Variants in DNAAF9 observed in about 807,000 individuals in gnomAD.
The protein encoded by DNAAF9 is shulin.
DNAAF9 carries 90 observed loss-of-function variants against 167.0 expected under a neutral mutation model. The observed-to-expected ratio is 0.54, with a 90% CI of 0.45 to 0.64. DNAAF9 has a LOEUF of 0.64. Ranked by LOEUF, DNAAF9 falls within the 30% of genes least tolerant of loss-of-function variation. DNAAF9 has a pLI of 0.00. For missense variants in DNAAF9, 1,315 were observed against 1,442.2 expected, an observed-to-expected ratio of 0.91 and a Z score of 1.43; for synonymous variants, 491 against 508.8, an observed-to-expected ratio of 0.96 and a Z score of 0.47.
intron 1 of DNAAF9, among the ~76,000 whole-genome samples, chr20:3,407,257 A>C (rs2084074272): frequency 2.0e-5 from 3 of 152,122 alleles, no homozygotes; most frequent in Non-Finnish European, 4.4e-5. Flanking sequence ...TGGGGGAGCC[A>C]TTGTGGGGAA....
chr20:3,403,358 C>T (rs2084014857), intron 1 of DNAAF9, among the ~76,000 whole-genome samples: 1 of 151,912 alleles, frequency 6.6e-6, no homozygotes, highest in Non-Finnish European at 1.5e-5. Flanking sequence ...GAATCCAACA[C>T]CTCTCTTCAT....
intron 27 of DNAAF9, among the ~76,000 whole-genome samples, chr20:3,287,022 T>A (rs539702446): frequency 6.4e-4 from 97 of 152,220 alleles, no homozygotes; most frequent in Non-Finnish European, 1.2e-3. Flanking sequence ...TCAGCCAGGG[T>A]CCCCTGGAGC....
In DNAAF9 at chr20:3,359,586, T is replaced by C. The variant is rs1488389173; in HGVS notation, c.620A>G (p.Asp207Gly). ...GFFTMKYELQDVSLNLWNVYS... is the reference protein window; with the variant it reads ...GFFTMKYELQGVSLNLWNVYS... ...GACATTCCATAGATTCAAACTCACATCCTGCAACTGCAACAGAGGGCAAAA... is the reference window on the plus strand; with the variant it reads ...GACATTCCATAGATTCAAACTCACACCCTGCAACTGCAACAGAGGGCAAAA... Residue 207 changes from aspartate (D) to glycine (G), a missense_variant, in exon 7 of 37, where the codon GAT becomes GGT. By Grantham distance (94) the Asp-to-Gly change is moderately conservative. Around this residue, in one of 2 missense-constraint regions of DNAAF9, gnomAD observed 981 missense variants for 1,012.5 expected, o/e 0.97. Coordinates refer to ENST00000252032, the MANE Select transcript of DNAAF9 (RefSeq NM_001009984.3). The C allele has an allele frequency of 5.6e-6, 9 of 1,610,230 alleles. No individual in the cohort carries two copies. The highest frequency in any genetic ancestry group is 7.6e-6 in the Non-Finnish European group (9 of 1,177,774).
chr20:3,406,811 G>A (rs2084064013), intron 1 of DNAAF9, among the ~76,000 whole-genome samples: 1 of 152,018 alleles, frequency 6.6e-6, no homozygotes. Context: ...CTCCCAACCC[G>A]AGCTCCCTAT....
At chr20:3,340,455 A>G (rs769484304) in intron 10 of DNAAF9, 49 bp downstream of exon 10, 2 of 138,082 alleles carry the variant, frequency 1.4e-5, no homozygotes, top group Non-Finnish European at 3.0e-5. Context: ...CCCCACCCCC[A>G]CAACTTGATA....
At chr20:3,326,747 C>CA (rs5839993) in intron 12 of DNAAF9, among the ~76,000 whole-genome samples, 246 of 116,856 alleles carry the variant, frequency 2.1e-3, no homozygotes, top group East Asian at 0.018. Flanking sequence ...GACCCTGTCT[C>CA]AAAAAAAAAA....
intron 1 of DNAAF9, among the ~76,000 whole-genome samples, chr20:3,405,346 G>A (rs931026729): frequency 6.6e-6 from 1 of 152,140 alleles, no homozygotes; most frequent in Non-Finnish European, 1.5e-5. Context: ...CACCAGTTAG[G>A]TTTGCCCCTT....
At chr20:3,325,149 G>C (rs973320128) in intron 13 of DNAAF9, among the ~76,000 whole-genome samples, 181 bp from the exon 14 acceptor site, 1 of 152,178 alleles carries the variant, frequency 6.6e-6, no homozygotes, top group Admixed American at 6.5e-5. Context: ...CATGTTAAGG[G>C]AAAGAAGGGC....
At chr20:3,368,641 T>C (rs2083463688) in intron 6 of DNAAF9, among the ~76,000 whole-genome samples, 1 of 151,674 alleles carries the variant, frequency 6.6e-6, no homozygotes, top group Non-Finnish European at 1.5e-5. Context: ...GCCTCCCGAG[T>C]AGCTGGGACT....
intron 20 of DNAAF9, among the ~76,000 whole-genome samples, chr20:3,307,341 C>T (rs1441079382): frequency 6.6e-6 from 1 of 152,176 alleles, no homozygotes; most frequent in African/African-American, 2.4e-5. Flanking sequence ...GCCCCTTAGC[C>T]TGGCTCTATG....
chr20:3,309,981 T>C (rs923690721), intron 20 of DNAAF9, among the ~76,000 whole-genome samples: 1 of 151,892 alleles, frequency 6.6e-6, no homozygotes, highest in Non-Finnish European at 1.5e-5. Flanking sequence ...TCACCTGAAG[T>C]CGGGAGATTG....
chr20:3,348,525 C>A lies in DNAAF9; in HGVS notation c.789G>T (p.Glu263Asp). 1 of 1,566,360 alleles carries A rather than the reference C, an allele frequency of 6.4e-7. No individual in the cohort carries two copies. Among genetic ancestry groups the A allele is most frequent in the Non-Finnish European group, 8.7e-7 (1 of 1,144,660 alleles). ...CCTCTTTGACCCTTCCCTTACATAC[C>A]TCACCCGCCTGAGATTCTGAAAGTT... ...LLELSESQAG[E>D]PFRSYFSHGM... The change falls in exon 8 of 37, where the codon GAG becomes GAT. Residue 263 changes from glutamate (E) to aspartate (D), a missense_variant and splice_region_variant. Glu to Asp is a conservative substitution (Grantham distance 45). Around this residue, in one of 2 missense-constraint regions of DNAAF9, gnomAD observed 981 missense variants for 1,012.5 expected, o/e 0.97. Transcript: ENST00000252032.
At chr20:3,335,733 G>C (rs2069926434) in intron 10 of DNAAF9, among the ~76,000 whole-genome samples, 1 of 139,168 alleles carries the variant, frequency 7.2e-6, no homozygotes, top group Admixed American at 7.5e-5. Flanking sequence ...CTCCAGTCTG[G>C]GTGACAAGAG....
At chr20:3,283,367 C>A (rs965036256) in intron 27 of DNAAF9, among the ~76,000 whole-genome samples, 1 of 152,226 alleles carries the variant, frequency 6.6e-6, no homozygotes, top group Non-Finnish European at 1.5e-5. Flanking sequence ...CAATACTCCA[C>A]CCCACCCCAG....
chr20:3,277,808 C>T (rs1035882434), intron 29 of DNAAF9, among the ~76,000 whole-genome samples: 1 of 152,176 alleles, frequency 6.6e-6, no homozygotes, highest in Non-Finnish European at 1.5e-5. Flanking sequence ...GGTACAGCAG[C>T]CCAACATACA....
At position 3,298,155 on chromosome 20, in the gene DNAAF9, A is replaced by T; in HGVS notation, c.1803T>A (p.Ala601=). 6.2e-7 allele frequency: 1 copy of T among 1,613,992 alleles called. No individual in the cohort carries two copies. The highest frequency in any genetic ancestry group is 8.5e-7 in the Non-Finnish European group (1 of 1,179,894). The part of the protein sequence containing the change: ...FYDGDSTSTV[A]ALLIDFKSSL... ...AGCTTTTGAAGTCTATGAGAAGAGC[A>T]GCAACAGTACTGGTGGAATCCTAAA... Residue 601 remains alanine (A), a synonymous_variant, in exon 22 of 37, where the codon GCT becomes GCA. Transcript: ENST00000252032.
intron 8 of DNAAF9, among the ~76,000 whole-genome samples, chr20:3,344,632 CA>C: frequency 7.7e-6 from 1 of 129,750 alleles, no homozygotes; most frequent in Non-Finnish European, 1.7e-5. Context: ...CACACACACA[CA>C]CACACACCTC....
chr20:3,359,813 A>G (rs1442483993), intron 6 of DNAAF9, among the ~76,000 whole-genome samples: 1 of 152,248 alleles, frequency 6.6e-6, no homozygotes, highest in Non-Finnish European at 1.5e-5. Flanking sequence ...ATTATCTTCA[A>G]TAATGGGCAC....
At chr20:3,303,023 G>C (rs2069218933) in intron 21 of DNAAF9, among the ~76,000 whole-genome samples, 1 of 152,136 alleles carries the variant, frequency 6.6e-6, no homozygotes, top group Admixed American at 6.5e-5. Flanking sequence ...TGGATCACGA[G>C]GTCAGGAGAT....
Sources: gnomAD v4.1 joint callset for allele counts (sites outside exome capture counted in the v4.1 genomes callset) on GRCh38, gnomAD v4.1.1 for gene constraint, gnomAD v4.1.1 regional missense constraint, MANE v1.5 for transcripts, NCBI Gene and HGNC (gene_info 2026-07-23, HGNC 2026-07-21) for gene names.